PALLD: variants seen among roughly 807,000 people sequenced by gnomAD.
PALLD encodes the protein palladin, cytoskeletal associated protein.
In PALLD, 61 loss-of-function variants were observed where a neutral mutation model predicts 123.5. That is an observed-to-expected ratio of 0.49 (90% CI 0.40 to 0.61). The LOEUF is 0.61. Ranked by LOEUF, PALLD falls within the 20% of genes least tolerant of loss-of-function variation. PALLD has a pLI of 0.00. For missense variants in PALLD, 1,273 were observed against 1,377.0 expected (o/e 0.92, Z 1.20); for synonymous variants, 465 against 496.4 (o/e 0.94, Z 0.84).
At chr4:168,742,062 G>A (rs977264692) in intron 10 of PALLD, among the ~76,000 whole-genome samples, 3 of 152,186 alleles carry the variant, frequency 2.0e-5, no homozygotes, top group African/African-American at 7.2e-5. Flanking sequence ...CACCACCTGT[G>A]CTCTTGCTGC....
At chr4:168,600,735 TG>T (rs1185199056) in intron 2 of PALLD, among the ~76,000 whole-genome samples, 2 of 152,216 alleles carry the variant, frequency 1.3e-5, no homozygotes, top group African/African-American at 2.4e-5. Flanking sequence ...AGTTTTATAT[TG>T]GGGGGCAGCA....
intron 10 of PALLD, among the ~76,000 whole-genome samples, chr4:168,744,828 C>T (rs1016864763): frequency 6.6e-6 from 1 of 152,130 alleles, no homozygotes; most frequent in Non-Finnish European, 1.5e-5. Flanking sequence ...ATAAAGTATG[C>T]TTTGTGTTGG....
chr4:168,533,667 C>A (rs564047636), intron 2 of PALLD, among the ~76,000 whole-genome samples: 1 of 152,168 alleles, frequency 6.6e-6, no homozygotes, highest in African/African-American at 2.4e-5. Context: ...GGGGCTGGAG[C>A]TTGGGAGAGA....
intron 2 of PALLD, among the ~76,000 whole-genome samples, chr4:168,535,215 T>C (rs80037408): frequency 0.033 from 5,075 of 152,268 alleles, 138 homozygotes; most frequent in South Asian, 0.15. Flanking sequence ...CCATAGATAC[T>C]GAGGAATGAC....
Position 168,793,337 on chromosome 4 carries a change from A to T in PALLD, c.1964+81414A>T, listed in dbSNP as rs7685352. 6.8e-3 allele frequency among the ~76,000 whole-genome samples: 513 copies of T among 75,086 alleles called. 80 individuals are homozygous for T. Among genetic ancestry groups the T allele is most frequent in the African/African-American group, 0.021 (488 of 23,576 alleles). The allele number at this position is 75,086 out of a possible 152,430, so 49.3% of individuals were successfully genotyped here. On this transcript the variant is annotated intron_variant, in intron 10 of 21. Coordinates refer to ENST00000505667, the MANE Select transcript of PALLD (RefSeq NM_001166108.2). ...TATGTGTGCATATATATACATATAT[A>T]TGTGTGCATATATATACATATATGT... is the stretch of plus-strand genomic sequence containing the variant.
chr4:168,740,617 T>G (rs192481683), intron 10 of PALLD, among the ~76,000 whole-genome samples: 36 of 152,270 alleles, frequency 2.4e-4, no homozygotes, highest in Middle Eastern at 3.4e-3. Flanking sequence ...GAGTTGGTGG[T>G]ATGGAAAGTT....
intron 8 of PALLD, among the ~76,000 whole-genome samples, chr4:168,707,118 G>A (rs940489871): frequency 6.6e-6 from 1 of 151,850 alleles, no homozygotes; most frequent in African/African-American, 2.4e-5. Flanking sequence ...TTGTTTCAGG[G>A]TTTAAAACAT....
intron 10 of PALLD, among the ~76,000 whole-genome samples, chr4:168,779,939 A>T (rs9991075): frequency 1.3e-5 from 2 of 149,986 alleles, no homozygotes; most frequent in Non-Finnish European, 3.0e-5. Flanking sequence ...AGAAGGTCTC[A>T]CTCTGTTGCA....
intron 2 of PALLD, among the ~76,000 whole-genome samples, chr4:168,539,759 C>G (rs1765433901): frequency 6.6e-6 from 1 of 152,058 alleles, no homozygotes; most frequent in African/African-American, 2.4e-5. Context: ...TTCTTCCAAA[C>G]TAAAACACAG....
chr4:168,667,521 C>A (rs1248380210), intron 2 of PALLD, among the ~76,000 whole-genome samples: 1 of 152,090 alleles, frequency 6.6e-6, no homozygotes, highest in African/African-American at 2.4e-5. Context: ...AACCTGTGTT[C>A]AAACAGTCTG....
intron 7 of PALLD, 91 bp downstream of exon 7, chr4:168,690,835 T>C: frequency 1.6e-6 from 2 of 1,282,270 alleles, no homozygotes; most frequent in Non-Finnish European, 2.3e-6. Flanking sequence ...TAAGATGAAT[T>C]GATCTCTATG....
chr4:168,870,453 C>T (rs1750928282), intron 10 of PALLD, among the ~76,000 whole-genome samples: 1 of 152,198 alleles, frequency 6.6e-6, no homozygotes, highest in African/African-American at 2.4e-5. Context: ...TTGTTTTTAT[C>T]TGCCTCTCGA....
intron 14 of PALLD, 74 bp downstream of exon 14, chr4:168,898,788 A>G (rs2151265686): frequency 1.1e-6 from 1 of 899,798 alleles, no homozygotes; most frequent in South Asian, 1.3e-5. Flanking sequence ...ATAGCATGCC[A>G]GTAGGAGAAA....
intron 10 of PALLD, among the ~76,000 whole-genome samples, chr4:168,808,851 G>A (rs1182198566): frequency 6.6e-6 from 1 of 152,066 alleles, no homozygotes; most frequent in African/African-American, 2.4e-5. Flanking sequence ...ATCTCCCACC[G>A]GATCCCTCCC....
intron 10 of PALLD, among the ~76,000 whole-genome samples, chr4:168,746,093 C>T (rs1282809853): frequency 2.6e-5 from 4 of 152,076 alleles, no homozygotes; most frequent in African/African-American, 9.7e-5. Flanking sequence ...CTGTTCTTAC[C>T]ACCTTTTCTC....
At chr4:168,500,249 C>G (rs888551749) in intron 1 of PALLD, among the ~76,000 whole-genome samples, 1 of 152,186 alleles carries the variant, frequency 6.6e-6, no homozygotes, top group African/African-American at 2.4e-5. Flanking sequence ...TGCTCTTTCT[C>G]ATGTATATTC....
At chr4:168,606,655 C>A (rs1245219707) in intron 2 of PALLD, among the ~76,000 whole-genome samples, 1 of 131,732 alleles carries the variant, frequency 7.6e-6, no homozygotes, top group African/African-American at 2.8e-5. Context: ...CAGAGCGAGA[C>A]TCCGTCTCAA....
rs139282011 is a variant in PALLD at position 168,615,605 on chromosome 4, T to C, written c.909-52585T>C. On this transcript the variant is annotated intron_variant, in intron 2 of 21. Coordinates refer to ENST00000505667, the MANE Select transcript of PALLD (RefSeq NM_001166108.2). ...TTCTCTTTAGATAATCAAAAGCATG[T>C]GTCCCCACACCTTGCCAGTTCCACC... Among the ~76,000 whole-genome samples, 178 of 152,320 alleles carry C rather than the reference T, an allele frequency of 1.2e-3. 2 individuals carry two copies. Among genetic ancestry groups the C allele is most frequent in the African/African-American group, 4.0e-3 (166 of 41,584 alleles).
Position 168,925,194 on chromosome 4 carries a change from A to G in PALLD, c.3359-39A>G, listed in dbSNP as rs750914543. On this transcript the variant is annotated intron_variant, in intron 20 of 21. Coordinates refer to ENST00000505667, the MANE Select transcript of PALLD (RefSeq NM_001166108.2). Reference sequence around the variant, plus strand: ...AACAACTATTGTGTTTTATTTGTCAAAAAAATTCATATTGCTCTCTCTCTC... The same window carrying G: ...AACAACTATTGTGTTTTATTTGTCAGAAAAATTCATATTGCTCTCTCTCTC... The G allele has an allele frequency of 9.0e-6, 14 of 1,562,384 alleles. No individual in the cohort carries two copies. The African/African-American group carries it at 1.0e-4, about 11-fold the overall frequency.
Sources: allele counts gnomAD v4.1 joint callset (sites outside exome capture counted in the v4.1 genomes callset), GRCh38; gene constraint gnomAD v4.1.1; transcripts MANE v1.5; gene names NCBI Gene and HGNC (gene_info 2026-07-23, HGNC 2026-07-21).